Variants in KLF12 observed in about 807,000 individuals in gnomAD.
KLF12 encodes Krueppel-like factor 12.
A neutral mutation model predicts 37.8 loss-of-function variants in KLF12; 9 were observed. The observed-to-expected ratio is 0.24, with a 90% CI of 0.14 to 0.42. The LOEUF is 0.42. KLF12 is among the 10% of genes least tolerant of loss of function. The pLI is 1.00. For missense variants in KLF12, 411 were observed against 516.0 expected (o/e 0.80, Z 1.97); for synonymous variants, 208 against 202.1 (o/e 1.03, Z -0.25).
At chr13:73,923,193 A>T (rs1039200438) in intron 3 of KLF12, among the ~76,000 whole-genome samples, 4 of 152,220 alleles carry the variant, frequency 2.6e-5, no homozygotes, top group African/African-American at 9.6e-5. Context: ...TCAATGACTA[A>T]AATGTGAACT....
chr13:73,747,852 CT>C (rs1270304324), intron 6 of KLF12, among the ~76,000 whole-genome samples: 2 of 152,138 alleles, frequency 1.3e-5, no homozygotes, highest in Non-Finnish European at 2.9e-5. Flanking sequence ...TATTCTTTCT[CT>C]TTTCATTTTA....
the KLF12 span, among the ~76,000 whole-genome samples, chr13:74,274,217 CCTCTCCTAGCCTTAGTGAAGATG>C: frequency 6.6e-6 from 1 of 152,084 alleles, no homozygotes; most frequent in Non-Finnish European, 1.5e-5. Context: ...CCCACTACTT[CCTCTCCTAGCCTTAGTGAAGATG>C]CAATACAACT....
At chr13:74,024,321 G>A (rs1263917972) in intron 1 of KLF12, among the ~76,000 whole-genome samples, 2 of 152,158 alleles carry the variant, frequency 1.3e-5, no homozygotes, top group Admixed American at 6.5e-5. Flanking sequence ...CAACAAAATA[G>A]TAAATTCTCC....
the KLF12 span, chr13:74,258,015 T>A: frequency 1.3e-5 from 2 of 152,190 alleles, no homozygotes; most frequent in African/African-American, 4.8e-5. Flanking sequence ...ATAACTTCTA[T>A]TATCTTTCAA....
chr13:73,970,812 T>G (rs913473594), intron 2 of KLF12, among the ~76,000 whole-genome samples: 5 of 152,216 alleles, frequency 3.3e-5, no homozygotes, highest in Admixed American at 3.3e-4. Flanking sequence ...ATAAATCGTT[T>G]GTGTGTTCTA....
the KLF12 span, among the ~76,000 whole-genome samples, chr13:74,186,450 C>A: frequency 6.6e-6 from 1 of 152,072 alleles, no homozygotes; most frequent in Admixed American, 6.5e-5. Flanking sequence ...AAAGACCAAG[C>A]AGTAGCCCAG....
chr13:73,822,354 T>C (rs1024198878), intron 4 of KLF12, among the ~76,000 whole-genome samples: 2 of 152,218 alleles, frequency 1.3e-5, no homozygotes, highest in Admixed American at 6.5e-5. Flanking sequence ...TTTCAGGAAA[T>C]CATTTTAAAC....
intron 1 of KLF12, among the ~76,000 whole-genome samples, chr13:74,077,741 C>G (rs1318655907): frequency 6.6e-6 from 1 of 152,104 alleles, no homozygotes; most frequent in Non-Finnish European, 1.5e-5. Context: ...ATTATTTTGG[C>G]TTTGTTGCAA....
intron 2 of KLF12, among the ~76,000 whole-genome samples, chr13:73,981,918 A>G (rs1331105343): frequency 6.6e-6 from 1 of 152,242 alleles, no homozygotes; most frequent in Non-Finnish European, 1.5e-5. Context: ...ACAGCAGCCC[A>G]GACAGGCTAA....
intron 5 of KLF12, among the ~76,000 whole-genome samples, chr13:73,804,017 TGGG>T (rs1882430610): frequency 1.3e-5 from 2 of 152,170 alleles, no homozygotes; most frequent in Non-Finnish European, 2.9e-5. Context: ...ACTGGTGGGT[TGGG>T]TTCATATTGT....
chr13:73,856,913 G>C (rs1453685512), intron 3 of KLF12, among the ~76,000 whole-genome samples: 2 of 152,110 alleles, frequency 1.3e-5, no homozygotes, highest in Non-Finnish European at 2.9e-5. Context: ...CTTGAACCCA[G>C]GAGGAGGAGG....
chr13:73,954,718 T>C (rs1020676281), intron 2 of KLF12, among the ~76,000 whole-genome samples: 1 of 152,222 alleles, frequency 6.6e-6, no homozygotes, highest in Non-Finnish European at 1.5e-5. Context: ...TATGGCCAAA[T>C]GCATACACTT....
At chr13:74,159,747 G>A in the KLF12 span, among the ~76,000 whole-genome samples, 1 of 152,028 alleles carries the variant, frequency 6.6e-6, no homozygotes, top group Non-Finnish European at 1.5e-5. Flanking sequence ...AGCCGGGCAT[G>A]GTTGCTTATT....
intron 3 of KLF12, among the ~76,000 whole-genome samples, chr13:73,864,078 A>G (rs910486571): frequency 5.3e-5 from 8 of 152,180 alleles, no homozygotes; most frequent in South Asian, 2.1e-4. Flanking sequence ...ACTACATGTC[A>G]TAACATTATA....
intron 5 of KLF12, among the ~76,000 whole-genome samples, chr13:73,782,012 T>C (rs751116453): frequency 6.6e-6 from 1 of 152,232 alleles, no homozygotes; most frequent in Non-Finnish European, 1.5e-5. Flanking sequence ...TCTTAGTTTC[T>C]ACTGTTTTCT....
At chr13:73,919,053 A>T (rs1416654407) in intron 3 of KLF12, among the ~76,000 whole-genome samples, 1 of 152,198 alleles carries the variant, frequency 6.6e-6, no homozygotes, top group African/African-American at 2.4e-5. Context: ...CAAAGAGCAC[A>T]TCTGCTCCTG....
the KLF12 span, among the ~76,000 whole-genome samples, chr13:74,162,556 C>T: frequency 6.6e-6 from 1 of 152,156 alleles, no homozygotes; most frequent in South Asian, 2.1e-4. Flanking sequence ...AATAATATGG[C>T]TCTGAAATAG....
chr13:74,129,532 C>T (rs1374350050), intron 1 of KLF12, among the ~76,000 whole-genome samples: 1 of 152,202 alleles, frequency 6.6e-6, no homozygotes, highest in African/African-American at 2.4e-5. Context: ...ATTTATTCCA[C>T]TCTCACCTTC....
chr13:74,152,929 T>TAAA, the KLF12 span, among the ~76,000 whole-genome samples: 16 of 131,384 alleles, frequency 1.2e-4, no homozygotes, highest in African/African-American at 3.9e-4. Context: ...ATAATAATAA[T>TAAA]AAAAACAGAG....
Sources: allele counts gnomAD v4.1 joint callset (sites outside exome capture counted in the v4.1 genomes callset), GRCh38; gene constraint gnomAD v4.1.1; transcripts MANE v1.5; gene names NCBI Gene and HGNC (gene_info 2026-07-23, HGNC 2026-07-21).